Variants in ZBTB37 observed in about 807,000 individuals in gnomAD.
ZBTB37 encodes the protein zinc finger and BTB domain-containing protein 37.
A neutral mutation model predicts 37.7 loss-of-function variants in ZBTB37; 15 were observed. The observed-to-expected ratio is 0.40, with a 90% CI of 0.27 to 0.61. The LOEUF (loss-of-function observed/expected upper bound fraction) is 0.61. ZBTB37 is among the 20% of genes least tolerant of loss of function. The probability of loss-of-function intolerance (pLI) is 0.44; values close to 1 mark genes in which losing one functional copy is unlikely to be tolerated. For synonymous variants in ZBTB37, 231 were observed against 220.6 expected (o/e 1.05, Z -0.42); for missense variants, 514 against 641.9 (o/e 0.80, Z 2.15).
chr1:173,892,449 TG>T (rs1414938477), exon 4 of ZBTB37: 1 of 152,234 alleles, frequency 6.6e-6, no homozygotes, highest in Admixed American at 6.5e-5. Flanking sequence ...CAGGCTTTTT[TG>T]TTCAGGATAA....
At chr1:173,894,951 CCT>C (rs1480180775) in exon 4 of ZBTB37, 1 of 152,010 alleles carries the variant, frequency 6.6e-6, no homozygotes, top group African/African-American at 2.4e-5. Flanking sequence ...CATTTGCTGC[CCT>C]CTCCCTCCAA....
chr1:173,884,266 C>T (rs1482305393), intron 4 of ZBTB37, among the ~76,000 whole-genome samples: 1 of 151,818 alleles, frequency 6.6e-6, no homozygotes, highest in Non-Finnish European at 1.5e-5. Flanking sequence ...ATCCTCACAC[C>T]TCAGCCTTCC....
At chr1:173,871,690 C>T (rs1382686899) in intron 3 of ZBTB37, among the ~76,000 whole-genome samples, 2 of 151,988 alleles carry the variant, frequency 1.3e-5, no homozygotes, top group African/African-American at 2.4e-5. Context: ...CTCTTTTTTC[C>T]CTTGTCACGT....
intron 2 of ZBTB37, 49 bp downstream of exon 2, chr1:173,869,169 A>G (rs1030849908): frequency 1.3e-5 from 2 of 152,454 alleles, no homozygotes; most frequent in Non-Finnish European, 1.5e-5. Flanking sequence ...ACACTTCCCT[A>G]TTTAATAAGT....
chr1:173,893,598 T>C (rs1656935060), exon 4 of ZBTB37: 1 of 152,262 alleles, frequency 6.6e-6, no homozygotes, highest in African/African-American at 2.4e-5. Flanking sequence ...ATTAGCTTTA[T>C]TAAGTGCTTT....
chr1:173,893,479 C>T (rs1656928433), exon 4 of ZBTB37: 1 of 152,174 alleles, frequency 6.6e-6, no homozygotes, highest in East Asian at 1.9e-4. Flanking sequence ...CATGATGTGT[C>T]TTCCTATACT....
intron 4 of ZBTB37, among the ~76,000 whole-genome samples, chr1:173,880,306 C>G (rs1656228085): frequency 6.6e-6 from 1 of 152,062 alleles, no homozygotes. Context: ...TTGTAAAATC[C>G]TTAATTTTGG....
intron 3 of ZBTB37, 80 bp downstream of exon 3, chr1:173,871,228 G>T: frequency 7.6e-7 from 1 of 1,317,650 alleles, no homozygotes; most frequent in Non-Finnish European, 1.0e-6. Flanking sequence ...AGTACAGAGA[G>T]CATTTTCCTT....
downstream of ZBTB37, chr1:173,890,878 T>C (rs896841562): frequency 2.6e-5 from 4 of 152,200 alleles, no homozygotes; most frequent in Non-Finnish European, 4.4e-5. Context: ...ATTTACTGTC[T>C]GGTACTTGTT....
chr1:173,885,679 A>G (rs373338183), exon 5 of ZBTB37: 1 of 1,552,152 alleles, frequency 6.4e-7, no homozygotes, highest in Non-Finnish European at 8.7e-7. Context: ...TATGTGGAGT[A>G]TCTCCGAGAG....
intron 4 of ZBTB37, among the ~76,000 whole-genome samples, chr1:173,879,880 G>A (rs1421694151): frequency 6.6e-6 from 1 of 152,196 alleles, no homozygotes; most frequent in Non-Finnish European, 1.5e-5. Context: ...GAACCTGGGA[G>A]GCAGAGGTTG....
intron 4 of ZBTB37, among the ~76,000 whole-genome samples, chr1:173,882,467 G>C (rs921117757): frequency 8.6e-5 from 13 of 151,776 alleles, no homozygotes; most frequent in East Asian, 1.9e-4. Context: ...GTCTCGATCT[G>C]CTGACCTCAT....
At chr1:173,870,111 A>G in intron 2 of ZBTB37, 89 bp from the exon 3 acceptor site, 2 of 866,914 alleles carry the variant, frequency 2.3e-6, no homozygotes, top group Non-Finnish European at 3.4e-6. Flanking sequence ...ACTTTACCAG[A>G]TAACTATGTT....
At chr1:173,890,357 A>T (rs1557893468), downstream of ZBTB37, 3 of 152,256 alleles carry the variant, frequency 2.0e-5, no homozygotes, top group Non-Finnish European at 4.4e-5. Context: ...AGTCTTCTTC[A>T]TCATAGTGAA....
chr1:173,876,051 G>C (rs1398400220), intron 4 of ZBTB37, among the ~76,000 whole-genome samples: 1 of 152,132 alleles, frequency 6.6e-6, no homozygotes, highest in African/African-American at 2.4e-5. Flanking sequence ...ACACATTCTA[G>C]AAAGGATAGG....
downstream of ZBTB37, chr1:173,888,766 A>C: frequency 6.6e-6 from 1 of 152,164 alleles, no homozygotes; most frequent in East Asian, 1.9e-4. Context: ...TTAGTTTCTT[A>C]GATTATATGT....
At chr1:173,870,311 G>A in exon 3 of ZBTB37, 1 of 1,614,210 alleles carries the variant, frequency 6.2e-7, no homozygotes, top group Non-Finnish European at 8.5e-7. Flanking sequence ...CGCATGCAGG[G>A]CCGTCTCTGT....
exon 5 of ZBTB37, chr1:173,886,416 CGAT>C (rs1469827020): frequency 6.3e-5 from 23 of 366,568 alleles, no homozygotes; most frequent in Middle Eastern, 8.0e-4. Flanking sequence ...TTTAACAAAA[CGAT>C]GATGATAAAT....
At chr1:173,883,098 C>G (rs1656426355) in intron 4 of ZBTB37, among the ~76,000 whole-genome samples, 1 of 152,162 alleles carries the variant, frequency 6.6e-6, no homozygotes, top group African/African-American at 2.4e-5. Flanking sequence ...GTTCCAGCAT[C>G]TTTAATTGCT....
Sources: allele counts gnomAD v4.1 joint callset (sites outside exome capture counted in the v4.1 genomes callset), GRCh38; gene constraint gnomAD v4.1.1; transcripts MANE v1.5; gene names NCBI Gene and HGNC (gene_info 2026-07-23, HGNC 2026-07-21).